Variants in MAD1L1 observed in about 807,000 individuals in gnomAD.
The protein encoded by MAD1L1 is mitotic spindle assembly checkpoint protein MAD1.
In MAD1L1, 95 loss-of-function variants were observed where a neutral mutation model predicts 96.9. The ratio of observed to expected loss-of-function variants is 0.98; its 90% CI spans 0.83 to 1.16. MAD1L1 has a LOEUF of 1.16. MAD1L1 is among the 50% of genes most tolerant of loss of function. The probability of loss-of-function intolerance (pLI) is 0.00; values close to 1 mark genes in which losing one functional copy is unlikely to be tolerated. For missense variants in MAD1L1, 1,007 were observed against 954.4 expected (o/e 1.06, Z -0.73); for synonymous variants, 473 against 396.6 (o/e 1.19, Z -2.29).
chr7:2,195,676 T>C (rs1014104492), intron 10 of MAD1L1, among the ~76,000 whole-genome samples: 1 of 152,194 alleles, frequency 6.6e-6, no homozygotes, highest in African/African-American at 2.4e-5. Context: ...AACAAGATAG[T>C]ATTGTGTTGC....
intron 18 of MAD1L1, chr7:1,847,347 G>A (rs569652822): frequency 2.1e-5 from 10 of 471,078 alleles, no homozygotes; most frequent in East Asian, 6.9e-5. Flanking sequence ...CGGTGCTCGC[G>A]GAGGTACCAC....
chr7:2,079,579 A>G, intron 11 of MAD1L1: 3 of 466,796 alleles, frequency 6.4e-6, no homozygotes, highest in Admixed American at 4.7e-5. Context: ...AGATAAACAG[A>G]GGCCACACGG....
intron 12 of MAD1L1, among the ~76,000 whole-genome samples, chr7:2,031,607 A>G (rs1437389492): frequency 1.3e-5 from 2 of 152,240 alleles, no homozygotes; most frequent in Non-Finnish European, 2.9e-5. Flanking sequence ...CACCTGCGCT[A>G]TGACGACGTG....
intron 18 of MAD1L1, among the ~76,000 whole-genome samples, chr7:1,843,431 T>TC (rs372660838): frequency 1.3e-5 from 2 of 152,198 alleles, no homozygotes; most frequent in African/African-American, 4.8e-5. Flanking sequence ...GGTGTAGACC[T>TC]CCTCTGTCAT....
chr7:1,864,369 T>G lies in MAD1L1; in HGVS notation c.1998+33831A>C, dbSNP rs115684532. On this transcript the variant is annotated intron_variant, in intron 18 of 18. Coordinates refer to ENST00000265854, the MANE Select transcript of MAD1L1 (RefSeq NM_001013836.2). ...TGGACGGGACTCGGGGGAACTTGCC[T>G]TTGGCCAGAGCTCCAGGGAACCTGC... 9.3e-3 allele frequency among the ~76,000 whole-genome samples: 1,416 copies of G among 152,292 alleles called. 21 individuals are homozygous for G. The highest frequency in any genetic ancestry group is 0.033 in the African/African-American group (1,367 of 41,566).
chr7:2,015,341 A>G (rs1322487267), intron 12 of MAD1L1, among the ~76,000 whole-genome samples: 1 of 152,192 alleles, frequency 6.6e-6, no homozygotes, highest in Non-Finnish European at 1.5e-5. Flanking sequence ...AGATCCCTAC[A>G]GAGCAGCCAG....
intron 18 of MAD1L1, among the ~76,000 whole-genome samples, chr7:1,855,250 T>C (rs1162265692): frequency 6.6e-6 from 1 of 151,768 alleles, no homozygotes; most frequent in Non-Finnish European, 1.5e-5. Context: ...GGGCCTGAGG[T>C]CACACCCACA....
chr7:2,183,848 C>T lies in MAD1L1; in HGVS notation c.986+29364G>A, dbSNP rs559037736. Among the ~76,000 whole-genome samples the T allele has an allele frequency of 1.6e-3, 249 of 152,006 alleles. 2 individuals are homozygous for T. Among genetic ancestry groups the T allele is most frequent in the African/African-American group, 5.3e-3 (221 of 41,416 alleles). On this transcript the variant is annotated intron_variant, in intron 10 of 18. Coordinates refer to ENST00000265854, the MANE Select transcript of MAD1L1 (RefSeq NM_001013836.2). ...AGCACACCAACATGGCACATGTATA[C>T]ATATGTAACAAACCTGCACGTTGTG...
chr7:1,856,678 CAGCCCCGAAGATGGCAT>C lies in MAD1L1; in HGVS notation c.1999-40467_1999-40451del, dbSNP rs569766531. Among the ~76,000 whole-genome samples, 642 of 152,292 alleles carry C rather than the reference CAGCCCCGAAGATGGCAT, an allele frequency of 4.2e-3. 4 individuals carry two copies. The highest frequency in any genetic ancestry group is 0.012 in the African/African-American group (507 of 41,560). On this transcript the variant is annotated intron_variant, in intron 18 of 18. Coordinates refer to ENST00000265854, the MANE Select transcript of MAD1L1 (RefSeq NM_001013836.2). ...CACAAACCCAGAAGGGAAGATGGCA[CAGCCCCGAAGATGGCAT>C]AGCCCCGCCGCGCTCCAGACCAGTC...
At chr7:1,929,533 CA>C (rs1186275907) in intron 17 of MAD1L1, among the ~76,000 whole-genome samples, 1 of 152,132 alleles carries the variant, frequency 6.6e-6, no homozygotes, top group Non-Finnish European at 1.5e-5. Flanking sequence ...AGGAAAATCA[CA>C]AGGGTGTTCC....
intron 17 of MAD1L1, among the ~76,000 whole-genome samples, chr7:1,918,623 T>C (rs1004903672): frequency 3.0e-4 from 46 of 152,354 alleles, no homozygotes; most frequent in African/African-American, 1.1e-3. Flanking sequence ...TTAAATCCCA[T>C]GATTCCTTTA....
At chr7:1,908,473 C>T (rs578047270) in intron 17 of MAD1L1, among the ~76,000 whole-genome samples, 2 of 152,262 alleles carry the variant, frequency 1.3e-5, no homozygotes, top group African/African-American at 2.4e-5. Flanking sequence ...CCTCGAACTC[C>T]GGGGCTCAAG....
At chr7:2,110,798 A>G (rs1431050925) in intron 11 of MAD1L1, among the ~76,000 whole-genome samples, 1 of 152,168 alleles carries the variant, frequency 6.6e-6, no homozygotes, top group African/African-American at 2.4e-5. Context: ...AGGGAATTCC[A>G]TGGTGCACGC....
In MAD1L1 at chr7:1,872,917, C is replaced by T. The variant is rs150651171; in HGVS notation, c.1998+25283G>A. Among the ~76,000 whole-genome samples the T allele has an allele frequency of 4.3e-3, 648 of 152,274 alleles. 2 individuals are homozygous for T. The highest frequency in any genetic ancestry group is 0.015 in the African/African-American group (615 of 41,548). On this transcript the variant is annotated intron_variant, in intron 18 of 18. Transcript: ENST00000265854. ...CAATTCAAACACCCAGGGTGGGGGG[C>T]GCGTCAGAAGGAGAGAAAGCCGGAA...
At chr7:2,093,839 G>A (rs1022146439) in intron 11 of MAD1L1, among the ~76,000 whole-genome samples, 3 of 152,208 alleles carry the variant, frequency 2.0e-5, no homozygotes, top group African/African-American at 7.2e-5. Context: ...AAGCCACTGT[G>A]GGGCACGGGG....
At chr7:1,871,242 TGCCACGCTGAACCCAACATAA>T (rs1256735726) in intron 18 of MAD1L1, among the ~76,000 whole-genome samples, 4 of 142,408 alleles carry the variant, frequency 2.8e-5, no homozygotes, top group East Asian at 2.1e-4. Context: ...AACATACGCC[TGCCACGCTGAACCCAACATAA>T]GCCTGCCACG....
rs7811234 is a variant in MAD1L1 at position 1,827,630 on chromosome 7, G to T, written c.1999-11402C>A. Among the ~76,000 whole-genome samples, 569 of 66,974 alleles carry T rather than the reference G, an allele frequency of 8.5e-3. 44 individuals carry two copies. Among genetic ancestry groups the T allele is most frequent in the African/African-American group, 0.023 (331 of 14,528 alleles). 43.9% of individuals were successfully genotyped at this position (66,974 alleles called of 152,430 possible). On this transcript the variant is annotated intron_variant, in intron 18 of 18. Transcript: ENST00000265854. The stretch of plus-strand genomic sequence containing the variant: ...GTGGGGTCCTCCCCTCCTGAGCCCC[G>T]CCCGGGTGTGGGGGCCTCCCCTCCT...
intron 10 of MAD1L1, among the ~76,000 whole-genome samples, chr7:2,177,660 T>A (rs1366065968): frequency 6.6e-6 from 1 of 152,214 alleles, no homozygotes; most frequent in Non-Finnish European, 1.5e-5. Flanking sequence ...ACATTTCATG[T>A]TTGAAAATTA....
intron 10 of MAD1L1, among the ~76,000 whole-genome samples, chr7:2,203,160 G>A (rs1792404740): frequency 6.6e-6 from 1 of 152,236 alleles, no homozygotes; most frequent in South Asian, 2.1e-4. Flanking sequence ...GACAGGCAAG[G>A]AGCCAAAAAC....
Sources: allele counts gnomAD v4.1 joint callset (sites outside exome capture counted in the v4.1 genomes callset), GRCh38; gene constraint gnomAD v4.1.1; transcripts MANE v1.5; gene names NCBI Gene and HGNC (gene_info 2026-07-23, HGNC 2026-07-21).